Variants in KCTD5 observed in about 807,000 individuals in gnomAD.
KCTD5 encodes BTB/POZ domain-containing protein KCTD5.
A neutral mutation model predicts 27.9 loss-of-function variants in KCTD5; 12 were observed. The observed-to-expected ratio is 0.43, with a 90% confidence interval of 0.28 to 0.70. The LOEUF (loss-of-function observed/expected upper bound fraction) is 0.70, where lower values mean the gene tolerates loss of function less well. Among genes scored for constraint, KCTD5 ranks in the 30% least tolerant of loss-of-function variants. KCTD5 has a pLI of 0.19. For synonymous variants in KCTD5, 147 were observed against 121.4 expected, an observed-to-expected ratio of 1.21 and a Z score of -1.39; for missense variants, 226 against 274.8, an observed-to-expected ratio of 0.82 and a Z score of 1.26.
At chr16:2,685,337 A>G (rs2067536166) in intron 1 of KCTD5, among the ~76,000 whole-genome samples, 1 of 152,172 alleles carries the variant, frequency 6.6e-6, no homozygotes, top group East Asian at 1.9e-4. Flanking sequence ...CTGAGGCAGG[A>G]GAACCACTTG....
chr16:2,686,876 C>G (rs1251258749), intron 1 of KCTD5, among the ~76,000 whole-genome samples: 2 of 152,194 alleles, frequency 1.3e-5, no homozygotes, highest in East Asian at 3.9e-4. Context: ...GGGATCACGT[C>G]TAGTGGAGAT....
chr16:2,707,093 G>C (rs750832512), intron 5 of KCTD5, among the ~76,000 whole-genome samples: 1 of 152,118 alleles, frequency 6.6e-6, no homozygotes, highest in Non-Finnish European at 1.5e-5. Context: ...AGCGCTCCCT[G>C]TGTGGGGCCT....
At chr16:2,706,160 T>C (rs928182034) in intron 5 of KCTD5, among the ~76,000 whole-genome samples, 3 of 151,932 alleles carry the variant, frequency 2.0e-5, no homozygotes, top group African/African-American at 7.3e-5. Flanking sequence ...GCACTGAGCC[T>C]GGGGGGCACC....
chr16:2,692,332 T>C (rs1417487453), intron 1 of KCTD5, among the ~76,000 whole-genome samples: 1 of 152,100 alleles, frequency 6.6e-6, no homozygotes, highest in East Asian at 1.9e-4. Flanking sequence ...GAAGAGAAGC[T>C]TTACCAAGTG....
At chr16:2,697,785 C>T (rs1002362417) in intron 2 of KCTD5, 121 bp from the exon 3 acceptor site, 7 of 711,034 alleles carry the variant, frequency 9.8e-6, no homozygotes, top group South Asian at 5.1e-5. Context: ...GAGCAGCTCC[C>T]GCTGGGCCGA....
At chr16:2,693,558 G>A (rs926281156) in intron 1 of KCTD5, among the ~76,000 whole-genome samples, 2 of 152,256 alleles carry the variant, frequency 1.3e-5, no homozygotes, top group African/African-American at 2.4e-5. Context: ...GGACCTGTCT[G>A]TGTTCCTCTG....
chr16:2,682,709 A>G lies in KCTD5; in HGVS notation c.161A>G (p.Tyr54Cys), dbSNP rs757521153. The change falls in exon 1 of 6, where the codon TAC (tyrosine) becomes TGC (cysteine). Residue 54 changes from tyrosine to cysteine, a missense_variant. Physicochemically the swap from Tyr to Cys is radical, Grantham distance 194. Transcript: ENST00000301738. The part of the protein sequence containing the change: ...KWVRLNVGGT[Y>C]FLTTRQTLCR... ...GTCCGACTCAACGTCGGCGGCACCT[A>G]CTTCCTCACCACTCGGCAGACCCTG... 8.1e-6 allele frequency: 13 copies of G among 1,609,582 alleles called. No individual in the cohort carries two copies. The highest frequency in any genetic ancestry group is 1.6e-4 in the Middle Eastern group (1 of 6,074).
At chr16:2,701,723 G>A (rs546848392) in intron 4 of KCTD5, among the ~76,000 whole-genome samples, 124 of 152,332 alleles carry the variant, frequency 8.1e-4, no homozygotes, top group African/African-American at 2.8e-3. Flanking sequence ...TGTGATTTGC[G>A]TATTGCCTTT....
chr16:2,700,759 T>G (rs1335403045), intron 4 of KCTD5, among the ~76,000 whole-genome samples: 1 of 152,102 alleles, frequency 6.6e-6, no homozygotes, highest in East Asian at 1.9e-4. Flanking sequence ...TACCTTTTCC[T>G]TGGAGTCTTT....
Position 2,682,750 on chromosome 16 carries a change from T to A in KCTD5, c.202T>A (p.Ser68Thr). The change falls in exon 1 of 6, where the codon TCC (serine) becomes ACC (threonine). Residue 68 changes from serine to threonine, a missense_variant. Physicochemically the swap from Ser to Thr is moderately conservative, Grantham distance 58. Coordinates refer to ENST00000301738, the MANE Select transcript of KCTD5 (RefSeq NM_018992.4). ...GCAGACCCTGTGCCGGGACCCGAAA[T>A]CCTTCCTGTACCGCTTATGCCAGGC... is the stretch of plus-strand genomic sequence containing the variant. ...TRQTLCRDPKSFLYRLCQADP... is the reference protein window; with the variant it reads ...TRQTLCRDPKTFLYRLCQADP... The A allele has an allele frequency of 6.2e-7, 1 of 1,609,148 alleles. No individual in the cohort carries two copies. Among genetic ancestry groups the A allele is most frequent in the Non-Finnish European group, 8.5e-7 (1 of 1,178,218 alleles).
At chr16:2,690,170 C>T (rs555757368) in intron 1 of KCTD5, among the ~76,000 whole-genome samples, 57 of 152,378 alleles carry the variant, frequency 3.7e-4, no homozygotes, top group Admixed American at 7.8e-4. Flanking sequence ...CCTGACCAGA[C>T]GTCCATCTGC....
chr16:2,697,794 G>A (rs2067592984), intron 2 of KCTD5, 112 bp from the exon 3 acceptor site: 7 of 754,340 alleles, frequency 9.3e-6, no homozygotes, highest in Admixed American at 6.6e-5. Context: ...CCGCTGGGCC[G>A]AGCCATGGGC....
At chr16:2,690,974 G>A (rs2067563834) in intron 1 of KCTD5, among the ~76,000 whole-genome samples, 1 of 152,242 alleles carries the variant, frequency 6.6e-6, no homozygotes, top group African/African-American at 2.4e-5. Context: ...AGCTGCCGAG[G>A]CCCTCGCGCC....
At chr16:2,700,805 C>T (rs1488186903) in intron 4 of KCTD5, among the ~76,000 whole-genome samples, 4 of 72,094 alleles carry the variant, frequency 5.5e-5, no homozygotes, top group Non-Finnish European at 6.7e-5. Flanking sequence ...TACTTGGAGC[C>T]CCCCCCCCCT....
chr16:2,698,468 CA>C (rs1474092493), intron 3 of KCTD5, among the ~76,000 whole-genome samples: 4 of 152,226 alleles, frequency 2.6e-5, no homozygotes. Context: ...ACACACCTCT[CA>C]CAGCTGGCAC....
Position 2,702,463 on chromosome 16 carries a change from C to T in KCTD5, c.660C>T (p.Pro220=), listed in dbSNP as rs2067616587. 1 of 1,613,172 alleles carries T rather than the reference C, an allele frequency of 6.2e-7. No homozygotes were observed. Among genetic ancestry groups the T allele is most frequent in the Non-Finnish European group, 8.5e-7 (1 of 1,179,926 alleles). The change falls in exon 5 of 6, where the codon CCC becomes CCT. Residue 220 remains proline (P), a synonymous_variant. Coordinates refer to ENST00000301738, the MANE Select transcript of KCTD5 (RefSeq NM_018992.4). The stretch of plus-strand genomic sequence containing the variant: ...CCCCGTACGGTACGGCCAGCGAGCC[C>T]AGCGAGAAGGCCAAGGTGAGTGCTG... ...HNTPYGTASE[P]SEKAKILQER... is the part of the protein sequence containing the mutation.
At chr16:2,688,027 G>A (rs2142052050) in intron 1 of KCTD5, among the ~76,000 whole-genome samples, 1 of 151,800 alleles carries the variant, frequency 6.6e-6, no homozygotes, top group South Asian at 2.1e-4. Flanking sequence ...TATGACTTGG[G>A]GTGATTTCGT....
At chr16:2,698,405 G>A (rs1299198720) in intron 3 of KCTD5, among the ~76,000 whole-genome samples, 2 of 152,246 alleles carry the variant, frequency 1.3e-5, no homozygotes, top group Non-Finnish European at 2.9e-5. Flanking sequence ...GTGGGTCTGC[G>A]CAGGCGCCAG....
chr16:2,699,795 C>T, intron 3 of KCTD5, 26 bp from the exon 4 acceptor site: 7 of 1,609,118 alleles, frequency 4.4e-6, no homozygotes, highest in Non-Finnish European at 5.9e-6. Flanking sequence ...GTGGCCCGCC[C>T]TTACCTGTGC....
Sources: allele counts gnomAD v4.1 joint callset (sites outside exome capture counted in the v4.1 genomes callset), GRCh38; gene constraint gnomAD v4.1.1; transcripts MANE v1.5; gene names NCBI Gene and HGNC (gene_info 2026-07-23, HGNC 2026-07-21).